RELCH: variants seen among roughly 807,000 people sequenced by gnomAD.
RELCH encodes the protein RAB11-binding protein RELCH.
Under a neutral mutation model 150.3 loss-of-function variants are expected in RELCH, and 41 were observed. The observed-to-expected ratio is 0.27, with a 90% CI of 0.21 to 0.35. The LOEUF (loss-of-function observed/expected upper bound fraction) is 0.35, where lower values mean the gene tolerates loss of function less well. RELCH is among the 10% of genes least tolerant of loss of function. The pLI, the probability that RELCH is intolerant of heterozygous loss-of-function variation, is 1.00. For missense variants in RELCH, 1,092 were observed against 1,467.8 expected (o/e 0.74, Z 4.18); for synonymous variants, 478 against 531.8 (o/e 0.90, Z 1.39).
In RELCH at chr18:62,257,962, C is replaced by T. The variant is rs138911352; in HGVS notation, c.1911C>T (p.Ser637=). Residue 637 remains serine, a synonymous_variant, in exon 14 of 29, where the codon AGC becomes AGT. Coordinates refer to ENST00000644646, the MANE Select transcript of RELCH (RefSeq NM_001346231.2). The part of the protein sequence containing the change: ...LAPYLPKEIR[S]SLVLSMLQQM... ...TTTATTTTCAGAAAGAAATCCGTAGCTCCTTGGTTCTTTCAATGTTGCAAC... is the reference window on the plus strand; with the variant it reads ...TTTATTTTCAGAAAGAAATCCGTAGTTCCTTGGTTCTTTCAATGTTGCAAC... The T allele has an allele frequency of 8.3e-4, 1,318 of 1,596,080 alleles. 5 individuals carry two copies. The highest frequency in any genetic ancestry group is 1.1e-3 in the South Asian group (95 of 87,018).
chr18:62,254,269 T>C (rs1316026465), intron 12 of RELCH, among the ~76,000 whole-genome samples: 1 of 151,866 alleles, frequency 6.6e-6, no homozygotes, highest in Non-Finnish European at 1.5e-5. Flanking sequence ...TTTTAAAATT[T>C]CTCTCAACAG....
intron 2 of RELCH, among the ~76,000 whole-genome samples, chr18:62,218,861 A>G (rs184374965): frequency 1.1e-4 from 17 of 152,048 alleles, no homozygotes; most frequent in Admixed American, 9.2e-4. Flanking sequence ...GTTCCGCACA[A>G]TGTCTCTCTT....
chr18:62,264,954 C>T, intron 18 of RELCH, 102 bp downstream of exon 18: 1 of 932,704 alleles, frequency 1.1e-6, no homozygotes, highest in South Asian at 2.0e-5. Context: ...ATTCTTTTAT[C>T]TAATTCGCTT....
Position 62,264,355 on chromosome 18 carries a change from A to G in RELCH, c.2507+210A>G, listed in dbSNP as rs150082337. On this transcript the variant is annotated intron_variant, in intron 17 of 28. Coordinates refer to ENST00000644646, the MANE Select transcript of RELCH (RefSeq NM_001346231.2). ...ATTTTATCCGAATGATCTATCTGCC[A>G]TCTTGTTTGTCCAATCGTGGTGATG... Among the ~76,000 whole-genome samples, 372 of 152,200 alleles carry G rather than the reference A, an allele frequency of 2.4e-3. 1 individual carries two copies. Among genetic ancestry groups the G allele is most frequent in the African/African-American group, 8.5e-3 (352 of 41,554 alleles).
At chr18:62,238,209 A>G (rs1163808488) in intron 10 of RELCH, among the ~76,000 whole-genome samples, 1 of 151,928 alleles carries the variant, frequency 6.6e-6, no homozygotes, top group Non-Finnish European at 1.5e-5. Context: ...TCAAATATTT[A>G]TCTCTGCTGT....
chr18:62,268,417 G>C (rs1298243010), intron 19 of RELCH: 3 of 152,520 alleles, frequency 2.0e-5, no homozygotes, highest in African/African-American at 7.2e-5. Flanking sequence ...GGATGCAGGA[G>C]GGGCTCAGGA....
chr18:62,209,195 G>A (rs78406989), intron 1 of RELCH, among the ~76,000 whole-genome samples: 21,804 of 152,194 alleles, frequency 0.14, 1,854 homozygotes, highest in African/African-American at 0.24. Context: ...CATTGCTAAT[G>A]CTTTGTGTTA....
intron 11 of RELCH, chr18:62,247,367 T>C (rs2042469868): frequency 6.6e-6 from 1 of 152,034 alleles, no homozygotes; most frequent in East Asian, 1.9e-4. Flanking sequence ...CTGGCTATTA[T>C]AAACAGGAGA....
chr18:62,227,033 AT>A (rs1555724527), intron 5 of RELCH, among the ~76,000 whole-genome samples: 1 of 151,572 alleles, frequency 6.6e-6, no homozygotes, highest in Non-Finnish European at 1.5e-5. Flanking sequence ...ACAAAAAAAA[AT>A]TTTTTTTGAT....
At chr18:62,286,355 A>G (rs1047617709) in intron 25 of RELCH, among the ~76,000 whole-genome samples, 1 of 152,118 alleles carries the variant, frequency 6.6e-6, no homozygotes, top group Non-Finnish European at 1.5e-5. Context: ...TAATTTTGAC[A>G]AGTCAAAAGG....
At chr18:62,287,074 A>C (rs1208761316) in intron 25 of RELCH, among the ~76,000 whole-genome samples, 1 of 152,232 alleles carries the variant, frequency 6.6e-6, no homozygotes, top group Non-Finnish European at 1.5e-5. Context: ...AAACTGAATT[A>C]CAGTGAGGCC....
chr18:62,280,747 T>C (rs370122078), intron 24 of RELCH, 38 bp downstream of exon 24: 9 of 1,355,634 alleles, frequency 6.6e-6, no homozygotes, highest in African/African-American at 5.7e-5. Flanking sequence ...CTGTGTAATA[T>C]TGATGTGGTC....
intron 1 of RELCH, among the ~76,000 whole-genome samples, chr18:62,194,137 A>AT (rs1182108330): frequency 1.3e-5 from 2 of 152,106 alleles, no homozygotes; most frequent in Non-Finnish European, 2.9e-5. Context: ...GGTCCCAGCT[A>AT]TTTGAGAGGC....
At chr18:62,252,222 A>C (rs897696162) in intron 11 of RELCH, among the ~76,000 whole-genome samples, 6 of 144,584 alleles carry the variant, frequency 4.1e-5, no homozygotes, top group Admixed American at 1.4e-4. Flanking sequence ...GGCGGTCTCT[A>C]TCTCCTGACC....
intron 1 of RELCH, among the ~76,000 whole-genome samples, chr18:62,205,339 A>G (rs1316234687): frequency 6.6e-6 from 1 of 152,100 alleles, no homozygotes; most frequent in Non-Finnish European, 1.5e-5. Context: ...TATTACCATC[A>G]CCCTGGAAAG....
chr18:62,221,564 A>G (rs2148374453), intron 5 of RELCH, 67 bp downstream of exon 5: 2 of 625,634 alleles, frequency 3.2e-6, no homozygotes, highest in East Asian at 6.5e-5. Flanking sequence ...TCTTTTACGT[A>G]GTTTCTTTTT....
At chr18:62,230,146 A>T (rs2041479436) in intron 8 of RELCH, among the ~76,000 whole-genome samples, 1 of 151,980 alleles carries the variant, frequency 6.6e-6, no homozygotes, top group South Asian at 2.1e-4. Context: ...AAGTTAAAAG[A>T]TTGAATGGAT....
At chr18:62,255,256 A>G (rs1336223415) in intron 12 of RELCH, 151 bp from the exon 13 acceptor site, 1 of 650,772 alleles carries the variant, frequency 1.5e-6, no homozygotes, top group Non-Finnish European at 2.7e-6. Flanking sequence ...CTCATTCCCG[A>G]TCCAGGTATA....
intron 28 of RELCH, among the ~76,000 whole-genome samples, chr18:62,301,438 G>T (rs1029261652): frequency 6.6e-6 from 1 of 152,196 alleles, no homozygotes; most frequent in Non-Finnish European, 1.5e-5. Flanking sequence ...ATTGTAGCAG[G>T]AAAGCAGCCT....
Sources: allele counts gnomAD v4.1 joint callset (sites outside exome capture counted in the v4.1 genomes callset), GRCh38; gene constraint gnomAD v4.1.1; transcripts MANE v1.5; gene names NCBI Gene and HGNC (gene_info 2026-07-23, HGNC 2026-07-21).